PDE2A: variants seen among roughly 807,000 people sequenced by gnomAD.
PDE2A encodes phosphodiesterase 2A.
In PDE2A, 53 loss-of-function variants were observed where a neutral mutation model predicts 133.6. That is an observed-to-expected ratio of 0.40 (90% CI 0.32 to 0.50). PDE2A has a LOEUF of 0.50. PDE2A is among the 20% of genes least tolerant of loss of function. The probability of loss-of-function intolerance (pLI) is 0.73; values close to 1 mark genes in which losing one functional copy is unlikely to be tolerated. For synonymous variants in PDE2A, 491 were observed against 490.2 expected, an observed-to-expected ratio of 1.00 and a Z score of -0.02; for missense variants, 796 against 1,232.4, an observed-to-expected ratio of 0.65 and a Z score of 5.30.
intron 1 of PDE2A, among the ~76,000 whole-genome samples, chr11:72,645,951 C>G (rs1453620847): frequency 6.6e-5 from 10 of 152,262 alleles, no homozygotes; most frequent in Admixed American, 6.5e-4. Context: ...CAGGCCATCT[C>G]ACTCCAGTCT....
Position 72,578,312 on chromosome 11 carries a change from C to T in PDE2A, c.2536G>A (p.Glu846Lys). 6.2e-7 allele frequency: 1 copy of T among 1,613,944 alleles called. No homozygotes were observed. The highest frequency in any genetic ancestry group is 8.5e-7 in the Non-Finnish European group (1 of 1,179,868). Reference sequence around the variant, plus strand: ...TAGGCCTTCTCCCGGTCCATCATCTCCATCGGCCTGTTGCCCATGGCCTTC... The same window carrying T: ...TAGGCCTTCTCCCGGTCCATCATCTTCATCGGCCTGTTGCCCATGGCCTTC... ...LEKAMGNRPM[E>K]MMDREKAYIP... Residue 846 changes from glutamate to lysine, a missense_variant, in exon 30 of 31, where the codon GAG (glutamate) becomes AAG (lysine). Coordinates refer to ENST00000334456, the MANE Select transcript of PDE2A (RefSeq NM_002599.5). The surrounding 1 kb of genome is among the most constrained non-coding windows in gnomAD (Gnocchi z 4.2).
Position 72,597,412 on chromosome 11 carries a change from G to C in PDE2A, c.433+98C>G. 1.5e-6 allele frequency: 1 copy of C among 679,464 alleles called. No individual in the cohort carries two copies. Among genetic ancestry groups the C allele is most frequent in the Non-Finnish European group, 2.6e-6 (1 of 382,984 alleles). 42.1% of individuals were successfully genotyped at this position (679,464 alleles called of 1,614,324 possible). On this transcript the variant is annotated intron_variant, in intron 5 of 30. Coordinates refer to ENST00000334456, the MANE Select transcript of PDE2A (RefSeq NM_002599.5). The surrounding 1 kb of genome is among the most constrained non-coding windows in gnomAD (Gnocchi z 4.6). The stretch of plus-strand genomic sequence containing the variant: ...ACAGAGCAAGAGAAAGAAGGAGACA[G>C]AGATGAAGAGGAATAGAAGACACAC...
chr11:72,623,768 G>T (rs1857904125), intron 2 of PDE2A, among the ~76,000 whole-genome samples: 1 of 152,036 alleles, frequency 6.6e-6, no homozygotes, highest in Non-Finnish European at 1.5e-5. Context: ...TCATTTATCA[G>T]CAAGTTCTGT....
chr11:72,585,921 G>GC (rs1855950983), intron 14 of PDE2A, 149 bp downstream of exon 14: 1 of 651,878 alleles, frequency 1.5e-6, no homozygotes. Context: ...CTGAACAACT[G>GC]CAAGCCTTCA....
At chr11:72,608,103 C>T in intron 3 of PDE2A, among the ~76,000 whole-genome samples, 1 of 152,158 alleles carries the variant, frequency 6.6e-6, no homozygotes. Context: ...TCACCCCAAA[C>T]CTGCCCCAAA....
intron 23 of PDE2A, 130 bp from the exon 24 acceptor site, chr11:72,581,103 C>T: frequency 4.0e-6 from 3 of 758,656 alleles, no homozygotes; most frequent in South Asian, 3.1e-5. Context: ...ACCTGGGTTC[C>T]CTTCCTGGAA....
At chr11:72,626,054 C>A (rs1215853459) in intron 2 of PDE2A, among the ~76,000 whole-genome samples, 2 of 152,272 alleles carry the variant, frequency 1.3e-5, no homozygotes, top group Non-Finnish European at 2.9e-5. Flanking sequence ...CTGCCTTTCC[C>A]TGAGTCTCAA....
intron 2 of PDE2A, among the ~76,000 whole-genome samples, chr11:72,611,943 A>G (rs922784724): frequency 6.6e-5 from 10 of 152,140 alleles, no homozygotes; most frequent in South Asian, 6.2e-4. Flanking sequence ...GCTCAGAGGG[A>G]AGAGTTGCTG....
In PDE2A at chr11:72,585,387, G is replaced by A; in HGVS notation, c.1270C>T (p.Leu424Phe). The A allele has an allele frequency of 1.2e-6, 2 of 1,614,094 alleles. No individual in the cohort carries two copies. The highest frequency in any genetic ancestry group is 1.7e-6 in the Non-Finnish European group (2 of 1,179,948). The change falls in exon 16 of 31, where the codon CTC (leucine) becomes TTC (phenylalanine). Residue 424 changes from leucine (L) to phenylalanine (F), a missense_variant. Transcript: ENST00000334456. ...LQEIITEARN[L>F]SNAEICSVFL... ...GTCACTCACATCTCTGCGTTGCTGA[G>A]GTTTCTGGCCTCCGTGATGATCTCC... is the stretch of plus-strand genomic sequence containing the variant.
intron 2 of PDE2A, among the ~76,000 whole-genome samples, chr11:72,616,722 G>A (rs982424904): frequency 2.6e-5 from 4 of 152,206 alleles, no homozygotes; most frequent in African/African-American, 7.2e-5. Flanking sequence ...TCTGCAGGCC[G>A]GGAGGCCCTT....
chr11:72,640,275 A>T (rs1283609728), intron 2 of PDE2A, among the ~76,000 whole-genome samples: 3 of 151,884 alleles, frequency 2.0e-5, no homozygotes, highest in Non-Finnish European at 2.9e-5. Context: ...ACACATGCAG[A>T]CACAACCTGC....
intron 2 of PDE2A, among the ~76,000 whole-genome samples, chr11:72,610,289 C>T (rs531233284): frequency 6.6e-6 from 1 of 152,282 alleles, no homozygotes; most frequent in Admixed American, 6.5e-5. Context: ...GGCTGAAGGA[C>T]CTTCTTCCAG....
rs201782783 is a variant in PDE2A, at chr11:72,581,422, G to A, written c.1980C>T (p.His660=). The A allele has an allele frequency of 1.4e-4, 231 of 1,611,198 alleles. 3 individuals carry two copies. In the South Asian group the frequency reaches 2.0e-3, roughly 14 times the overall value. Residue 660 remains histidine, a synonymous_variant, in exon 23 of 31, where the codon CAC becomes CAT. Coordinates refer to ENST00000334456, the MANE Select transcript of PDE2A (RefSeq NM_002599.5). Reference sequence around the variant, plus strand: ...AGCAGAAGTGGGAGACAGAAAAGGCGTGCATCCAGTTGTGGTAGGGGGGAT... The same window carrying A: ...AGCAGAAGTGGGAGACAGAAAAGGCATGCATCCAGTTGTGGTAGGGGGGAT... ...YRDPPYHNWM[H]AFSVSHFCYL...
chr11:72,578,862 G>T lies in PDE2A; in HGVS notation c.2469+35C>A. 7.3e-7 allele frequency: 1 copy of T among 1,366,026 alleles called. No individual in the cohort carries two copies. The highest frequency in any genetic ancestry group is 1.0e-6 in the Non-Finnish European group (1 of 955,636). 84.6% of individuals were successfully genotyped at this position (1,366,026 alleles called of 1,614,324 possible). A position where few individuals can be genotyped will look rare whatever the true frequency, so the allele number is the denominator to read the frequency against. ...GGGCACCCAAAGCTGGGCAGGGTGG[G>T]CAGCCTGTGCCTTCCCAGGGAGGAC... On this transcript the variant is annotated intron_variant, in intron 28 of 30. Coordinates refer to ENST00000334456, the MANE Select transcript of PDE2A (RefSeq NM_002599.5). The surrounding 1 kb of genome is among the most constrained non-coding windows in gnomAD (Gnocchi z 4.2).
In PDE2A at chr11:72,642,337, G is replaced by C. The variant is rs925459115; in HGVS notation, c.72-11C>G. On this transcript the variant is annotated splice_polypyrimidine_tract_variant and intron_variant, in intron 1 of 30. Transcript: ENST00000334456. ...ACCTGCTGGCCCCGCCTGAGGAATT[G>C]GACAACAGCGATGAGGATGTGGTGC... is the stretch of plus-strand genomic sequence containing the variant. 6.5e-7 allele frequency: 1 copy of C among 1,534,682 alleles called. No homozygotes were observed. Among genetic ancestry groups the C allele is most frequent in the Non-Finnish European group, 8.7e-7 (1 of 1,143,214 alleles).
chr11:72,674,020 C>A (rs935850441), intron 1 of PDE2A, 117 bp downstream of exon 1: 3 of 1,021,968 alleles, frequency 2.9e-6, no homozygotes, highest in Non-Finnish European at 4.3e-6. Flanking sequence ...GGAACAGGAT[C>A]GATCCTTCCA....
rs775502088 is a variant in PDE2A, at chr11:72,585,585, G to A, written c.1191C>T (p.Leu397=). 9 of 1,614,082 alleles carry A rather than the reference G, an allele frequency of 5.6e-6. No homozygotes were observed. The Admixed American group carries it at 1.3e-4, about 24-fold the overall frequency. Residue 397 remains leucine (L), a synonymous_variant, in exon 15 of 31, where the codon CTC becomes CTT. Transcript: ENST00000334456. ...GGGTGAAGAGGTTCTTTGCCACTTGGAGAAGAGCCTGGAATGAAGGAAATG... is the reference window on the plus strand; with the variant it reads ...GGGTGAAGAGGTTCTTTGCCACTTGAAGAAGAGCCTGGAATGAAGGAAATG... ...QKLKCECQAL[L]QVAKNLFTHL... is the part of the protein sequence containing the mutation.
intron 2 of PDE2A, among the ~76,000 whole-genome samples, chr11:72,615,598 C>T (rs1248088091): frequency 2.6e-5 from 4 of 151,900 alleles, no homozygotes; most frequent in African/African-American, 9.7e-5. Flanking sequence ...TCTCCTCCCA[C>T]CCCCTCCCAC....
chr11:72,635,411 T>C (rs1858630110), intron 2 of PDE2A, among the ~76,000 whole-genome samples: 1 of 152,146 alleles, frequency 6.6e-6, no homozygotes, highest in Non-Finnish European at 1.5e-5. Context: ...AGCAGCCCCA[T>C]TTAGAATCAT....
Sources: allele counts gnomAD v4.1 joint callset (sites outside exome capture counted in the v4.1 genomes callset), GRCh38; gene constraint gnomAD v4.1.1; non-coding constraint Gnocchi (gnomAD v3.1); transcripts MANE v1.5; gene names NCBI Gene and HGNC (gene_info 2026-07-23, HGNC 2026-07-21).